Variants in SAMD7 observed in about 807,000 individuals in gnomAD.
The protein encoded by SAMD7 is sterile alpha motif domain-containing protein 7.
In SAMD7, 34 loss-of-function variants were observed where a neutral mutation model predicts 36.7. That is an observed-to-expected ratio of 0.93 (90% CI 0.71 to 1.23). The LOEUF is 1.23. Among genes scored for constraint, SAMD7 ranks in the 50% most tolerant of loss-of-function variants. SAMD7 has a pLI of 0.00. For missense variants in SAMD7, 570 were observed against 546.6 expected (o/e 1.04, Z -0.43); for synonymous variants, 188 against 189.7 (o/e 0.99, Z 0.07).
At position 169,926,603 on chromosome 3, in the gene SAMD7, T is replaced by C; in HGVS notation, c.341T>C (p.Ile114Thr). The C allele has an allele frequency of 1.2e-6, 2 of 1,612,866 alleles. No individual in the cohort carries two copies. The highest frequency in any genetic ancestry group is 1.3e-5 in the African/African-American group (1 of 74,908). Residue 114 changes from isoleucine to threonine, a missense_variant, in exon 6 of 9, where the codon ATT (isoleucine) becomes ACT (threonine). By Grantham distance (89) the Ile-to-Thr change is moderately conservative. Coordinates refer to ENST00000335556, the MANE Select transcript of SAMD7 (RefSeq NM_001304366.2). ...TACCAGCAAAGGAGAATGGAAAAAA[T>C]TAATCCCAAGGGACTAGCAGGCCTA... ...AIYQQRRMEK[I>T]NPKGLAGLGI...
At chr3:169,915,552 A>G (rs964061495) in intron 2 of SAMD7, 111 bp downstream of exon 2, 1 of 148,990 alleles carries the variant, frequency 6.7e-6, no homozygotes, top group African/African-American at 2.5e-5. Context: ...CATAGGATAC[A>G]AGCTGAGCCA....
intron 4 of SAMD7, among the ~76,000 whole-genome samples, chr3:169,922,986 G>A (rs534052674): frequency 3.9e-5 from 6 of 152,320 alleles, no homozygotes; most frequent in African/African-American, 9.6e-5. Flanking sequence ...CAGTAGAGTC[G>A]TGTTGGTGAA....
intron 7 of SAMD7, among the ~76,000 whole-genome samples, chr3:169,928,978 T>C (rs1434386846): frequency 1.3e-5 from 2 of 152,246 alleles, no homozygotes; most frequent in Admixed American, 6.5e-5. Context: ...TTACTCACTG[T>C]AAGTAACAGG....
rs537650778 is a variant in SAMD7 at position 169,919,517 on chromosome 3, T to C, written c.19T>C (p.Leu7=). 6 of 1,614,188 alleles carry C rather than the reference T, an allele frequency of 3.7e-6. No homozygotes were observed. Among genetic ancestry groups the C allele is most frequent in the East Asian group, 4.5e-5 (2 of 44,888 alleles). The change falls in exon 3 of 9, where the codon TTG becomes CTG. Residue 7 remains leucine (L), a synonymous_variant. Coordinates refer to ENST00000335556, the MANE Select transcript of SAMD7 (RefSeq NM_001304366.2). Reference sequence around the variant, plus strand: ...CCCGGTGATGGCTGTGAACCCTTTATTGACACCAACAGGGCAGCAGACAAT... The same window carrying C: ...CCCGGTGATGGCTGTGAACCCTTTACTGACACCAACAGGGCAGCAGACAAT... MAVNPL[L]TPTGQQTIPL... is the part of the protein sequence containing the mutation.
chr3:169,927,585 G>A (rs1442550595), intron 6 of SAMD7, among the ~76,000 whole-genome samples: 1 of 151,950 alleles, frequency 6.6e-6, no homozygotes, highest in Admixed American at 6.6e-5. Context: ...GTGAGCCACC[G>A]CGCCCGGCTT....
intron 7 of SAMD7, among the ~76,000 whole-genome samples, chr3:169,930,242 G>A (rs769136416): frequency 5.9e-5 from 9 of 152,118 alleles, no homozygotes; most frequent in Admixed American, 3.3e-4. Context: ...ATCTCTCACT[G>A]ACAGGATGTC....
chr3:169,931,954 G>T, intron 7 of SAMD7: 1 of 418,616 alleles, frequency 2.4e-6, no homozygotes, highest in Non-Finnish European at 4.0e-6. Flanking sequence ...CTTGATAAGT[G>T]AGCCAGAGAG....
At chr3:169,916,907 G>C (rs1183955210) in intron 2 of SAMD7, among the ~76,000 whole-genome samples, 2 of 152,192 alleles carry the variant, frequency 1.3e-5, no homozygotes, top group Admixed American at 6.5e-5. Context: ...CCTCGCTAGA[G>C]TTATGAGCCC....
Position 169,936,350 on chromosome 3 carries a change from T to A in SAMD7, c.1053T>A (p.Asp351Glu). Residue 351 changes from aspartate to glutamate, a missense_variant, in exon 8 of 9, where the codon GAT becomes GAA. By Grantham distance (45) the Asp-to-Glu change is conservative. Transcript: ENST00000335556. ...TTGTATTTATGAAGGTATTTAAAGA[T>A]CATGCAATTGATGGAGAAACTTTGC... ...GCSDYAQVFKDHAIDGETLPL... is the reference protein window; with the variant it reads ...GCSDYAQVFKEHAIDGETLPL... 1 of 1,603,396 alleles carries A rather than the reference T, an allele frequency of 6.2e-7. No individual in the cohort carries two copies. Among genetic ancestry groups the A allele is most frequent in the Admixed American group, 1.7e-5 (1 of 59,950 alleles).
intron 8 of SAMD7, among the ~76,000 whole-genome samples, chr3:169,936,701 G>GA (rs953940088): frequency 1.8e-4 from 27 of 151,796 alleles, no homozygotes; most frequent in African/African-American, 6.3e-4. Context: ...AGTTCTCTTT[G>GA]AAAAAAAATG....
rs1447125502 is a variant in SAMD7 at position 169,926,996 on chromosome 3, C to G, written c.734C>G (p.Thr245Arg). 3 of 1,613,796 alleles carry G rather than the reference C, an allele frequency of 1.9e-6. No individual in the cohort carries two copies. The highest frequency in any genetic ancestry group is 2.5e-6 in the Non-Finnish European group (3 of 1,179,984). The change falls in exon 6 of 9, where the codon ACG becomes AGG. Residue 245 changes from threonine (T) to arginine (R), a missense_variant. Physicochemically the swap from Thr to Arg is moderately conservative, Grantham distance 71. Transcript: ENST00000335556. ...TCAAGTGAAACGAATGAAAAGCCAA[C>G]GACAGCTCTTGCCAACACCTGTGGA... ...QKSSETNEKP[T>R]TALANTCGEL...
rs376734708 is a variant in SAMD7 at position 169,936,952 on chromosome 3, G to A, written c.1152+503G>A. On this transcript the variant is annotated intron_variant, in intron 8 of 8. Transcript: ENST00000335556. ...AGATACAATCTCAAATATAATAGGTGTGAATAACGTCAAGAGCAGAAGTAA... is the reference window on the plus strand; with the variant it reads ...AGATACAATCTCAAATATAATAGGTATGAATAACGTCAAGAGCAGAAGTAA... Among the ~76,000 whole-genome samples the A allele has an allele frequency of 5.6e-4, 85 of 152,258 alleles. 2 individuals carry two copies. In the South Asian group the frequency reaches 0.016, roughly 28 times the overall value.
At chr3:169,924,289 G>A (rs1456909693) in intron 4 of SAMD7, among the ~76,000 whole-genome samples, 1 of 151,852 alleles carries the variant, frequency 6.6e-6, no homozygotes, top group East Asian at 1.9e-4. Flanking sequence ...TGCAAAGTGA[G>A]TATAAAAAAT....
rs755636906 is a variant in SAMD7 at position 169,927,187 on chromosome 3, T to A, written c.919+6T>A. 6.6e-7 allele frequency: 1 copy of A among 1,519,402 alleles called. No individual in the cohort carries two copies. The allele number at this position is 1,519,402 out of a possible 1,614,324, so 94.1% of individuals were successfully genotyped here. On this transcript the variant is annotated splice_donor_region_variant and intron_variant, in intron 6 of 8. Coordinates refer to ENST00000335556, the MANE Select transcript of SAMD7 (RefSeq NM_001304366.2). Reference sequence around the variant, plus strand: ...TCCTCGACCATCTCTGCCAGGTGGGTGTCCAGGGGCCAATGGCAGATCCTC... The same window carrying A: ...TCCTCGACCATCTCTGCCAGGTGGGAGTCCAGGGGCCAATGGCAGATCCTC...
In SAMD7 at chr3:169,925,919, TCAGAACTCAGACAAC is replaced by T. The variant is rs373335802; in HGVS notation, c.291-633_291-619del. On this transcript the variant is annotated intron_variant, in intron 5 of 8. Transcript: ENST00000335556. ...GCCTACCTGACTTCAGATTATGCCA[TCAGAACTCAGACAAC>T]ACCCATGTCAGCCCAACAGTGGCCT... 8.9e-3 allele frequency among the ~76,000 whole-genome samples: 1,351 copies of T among 152,252 alleles called. 22 individuals carry two copies. The highest frequency in any genetic ancestry group is 0.031 in the African/African-American group (1,277 of 41,542).
At position 169,919,550 on chromosome 3, in the gene SAMD7, A is replaced by T. The variant is rs1203907545; in HGVS notation, c.52A>T (p.Ile18Phe). Residue 18 changes from isoleucine (I) to phenylalanine (F), a missense_variant, in exon 3 of 9, where the codon ATC becomes TTC. Ile to Phe is a conservative substitution (Grantham distance 21, BLOSUM62 0). Transcript: ENST00000335556. ...AACAGGGCAGCAGACAATCCCACTG[A>T]TCCCCTCACCATTTGGGCCTCCAAC... ...TPTGQQTIPL[I>F]PSPFGPPTVD... The T allele has an allele frequency of 6.2e-7, 1 of 1,614,190 alleles. No individual in the cohort carries two copies. The highest frequency in any genetic ancestry group is 8.5e-7 in the Non-Finnish European group (1 of 1,180,016).
At position 169,928,531 on chromosome 3, in the gene SAMD7, G is replaced by A. The variant is rs1713364651; in HGVS notation, c.994G>A (p.Val332Met). ...EDIQKWTVDD[V>M]HSFIRSLPGC... ...TATTCAGAAGTGGACCGTGGATGAT[G>A]TGCACAGCTTCATTCGCAGCCTTCC... Residue 332 changes from valine to methionine, a missense_variant, in exon 7 of 9, where the codon GTG (valine) becomes ATG (methionine). Val to Met is a conservative substitution (Grantham distance 21). Coordinates refer to ENST00000335556, the MANE Select transcript of SAMD7 (RefSeq NM_001304366.2). The A allele has an allele frequency of 1.2e-6, 2 of 1,613,958 alleles. No homozygotes were observed. The highest frequency in any genetic ancestry group is 1.3e-5 in the African/African-American group (1 of 74,940).
At position 169,917,546 on chromosome 3, in the gene SAMD7, C is replaced by A. The variant is rs954579808; in HGVS notation, c.-41-1912C>A. 5.9e-5 allele frequency among the ~76,000 whole-genome samples: 9 copies of A among 152,152 alleles called. 1 individual carries two copies. In the South Asian group the frequency reaches 1.9e-3, roughly 32 times the overall value. On this transcript the variant is annotated intron_variant, in intron 2 of 8. Coordinates refer to ENST00000335556, the MANE Select transcript of SAMD7 (RefSeq NM_001304366.2). ...AATCACATCAGGGTAAACGGCCTAT[C>A]CATCACCTCAAGTATTTATCATTTC...
intron 7 of SAMD7, chr3:169,932,270 T>G: frequency 1.2e-6 from 1 of 811,336 alleles, no homozygotes. Flanking sequence ...GGGGCAATCA[T>G]GCATGCCATG....
Sources: gnomAD v4.1 joint callset for allele counts (sites outside exome capture counted in the v4.1 genomes callset) on GRCh38, gnomAD v4.1.1 for gene constraint, MANE v1.5 for transcripts, NCBI Gene and HGNC (gene_info 2026-07-23, HGNC 2026-07-21) for gene names.